COG4: variants seen among roughly 807,000 people sequenced by gnomAD.
COG4 encodes component of oligomeric golgi complex 4.
Under a neutral mutation model 95.1 loss-of-function variants are expected in COG4, and 65 were observed. The observed-to-expected ratio is 0.68, with a 90% CI of 0.56 to 0.84. COG4 has a LOEUF of 0.84. Ranked by LOEUF, COG4 falls within the 40% of genes least tolerant of loss-of-function variation. The pLI is 0.00. For missense variants in COG4, 1,045 were observed against 989.1 expected, an observed-to-expected ratio of 1.06 and a Z score of -0.76; for synonymous variants, 421 against 374.8, an observed-to-expected ratio of 1.12 and a Z score of -1.42.
chr16:70,517,235 G>A (rs908430845), intron 3 of COG4, among the ~76,000 whole-genome samples: 1 of 152,030 alleles, frequency 6.6e-6, no homozygotes, highest in African/African-American at 2.4e-5. Flanking sequence ...GTAGAGGGCA[G>A]TAAAGAAGCT....
At chr16:70,512,907 G>C (rs565909496) in intron 4 of COG4, among the ~76,000 whole-genome samples, 23 of 152,358 alleles carry the variant, frequency 1.5e-4, no homozygotes, top group Admixed American at 5.9e-4. Context: ...GAACCTGGGA[G>C]GCAGAGGTTG....
chr16:70,487,404 C>A (rs2049160854), intron 13 of COG4, among the ~76,000 whole-genome samples: 2 of 152,152 alleles, frequency 1.3e-5, no homozygotes, highest in Non-Finnish European at 2.9e-5. Flanking sequence ...CGAGACCAGC[C>A]TGGCCAACAT....
intron 8 of COG4, among the ~76,000 whole-genome samples, chr16:70,503,337 C>A (rs146117471): frequency 0.024 from 3,698 of 152,300 alleles, 76 homozygotes; most frequent in Non-Finnish European, 0.036. Context: ...CAGGTGTGAG[C>A]CACCTTGGCA....
At chr16:70,514,910 A>G (rs1206857473) in intron 3 of COG4, among the ~76,000 whole-genome samples, 10 of 151,478 alleles carry the variant, frequency 6.6e-5, no homozygotes, top group African/African-American at 2.4e-4. Flanking sequence ...GCAGGGTTTC[A>G]TCAATGTTTC....
chr16:70,484,564 G>A (rs2049088670), intron 13 of COG4, among the ~76,000 whole-genome samples: 2 of 152,308 alleles, frequency 1.3e-5, no homozygotes, highest in South Asian at 4.1e-4. Flanking sequence ...TAAGGTTTAA[G>A]GGCGTACTGT....
intron 1 of COG4, among the ~76,000 whole-genome samples, chr16:70,521,166 G>A (rs2049934035): frequency 2.7e-5 from 4 of 150,716 alleles, no homozygotes; most frequent in Admixed American, 2.6e-4. Context: ...GCCCATCTCA[G>A]CCTCCCAAAG....
intron 2 of COG4, among the ~76,000 whole-genome samples, chr16:70,518,775 G>C (rs796563098): frequency 1.1e-4 from 17 of 152,098 alleles, no homozygotes; most frequent in African/African-American, 2.4e-4. Context: ...TCAGGAGTTT[G>C]AGACCAGCCT....
intron 8 of COG4, among the ~76,000 whole-genome samples, chr16:70,503,845 C>G (rs889330384): frequency 8.1e-6 from 1 of 122,866 alleles, no homozygotes; most frequent in Non-Finnish European, 1.5e-5. Context: ...CCGCCCGCCT[C>G]GGCCTCCCAA....
intron 8 of COG4, among the ~76,000 whole-genome samples, chr16:70,507,282 CTG>C (rs1361984750): frequency 6.6e-6 from 1 of 151,424 alleles, no homozygotes; most frequent in African/African-American, 2.4e-5. Flanking sequence ...CAAAAAAAAA[CTG>C]TATCGGTATA....
chr16:70,522,687 C>T (rs180688642), intron 1 of COG4, among the ~76,000 whole-genome samples: 13 of 152,090 alleles, frequency 8.5e-5, no homozygotes, highest in African/African-American at 2.2e-4. Flanking sequence ...AACTGACATT[C>T]GAAAGTGAAT....
At position 70,523,497 on chromosome 16, in the gene COG4, CCT is replaced by C; in HGVS notation, c.45_46del (p.Val17AlafsTer5). 6.2e-7 allele frequency: 1 copy of C among 1,614,126 alleles called. No homozygotes were observed. The highest frequency in any genetic ancestry group is 8.5e-7 in the Non-Finnish European group (1 of 1,180,050). ...CACCCCCTCAGACGGCTGCTGCACC[CCT>C]GACAGCTTCGGAGGCGAATCAAGGT... On this transcript the variant is annotated frameshift_variant, in exon 1 of 19. Coordinates refer to ENST00000323786, the MANE Select transcript of COG4 (RefSeq NM_015386.3). LOFTEE classifies it high-confidence loss of function.
At chr16:70,512,101 C>CA in intron 5 of COG4, 138 bp downstream of exon 5, 3 of 830,188 alleles carry the variant, frequency 3.6e-6, no homozygotes, top group Non-Finnish European at 6.0e-6. Context: ...TCCAGTCCTG[C>CA]ATGGCTACAC....
chr16:70,508,640 T>C (rs2049631038), intron 7 of COG4, 176 bp from the exon 8 acceptor site: 2 of 696,898 alleles, frequency 2.9e-6, no homozygotes. Context: ...AGATTTGTTT[T>C]TGGGTTGGAT....
intron 12 of COG4, 28 bp downstream of exon 12, chr16:70,496,238 C>A (rs777590106): frequency 1.2e-6 from 2 of 1,613,984 alleles, no homozygotes; most frequent in East Asian, 2.2e-5. Flanking sequence ...GATAAACCAA[C>A]CCAGCTCGTG....
chr16:70,489,699 C>G (rs1221892477), intron 13 of COG4, among the ~76,000 whole-genome samples: 3 of 151,894 alleles, frequency 2.0e-5, no homozygotes, highest in Admixed American at 1.3e-4. Context: ...TTAGGCTACC[C>G]AAGAAACACA....
rs2049360735 is a variant in COG4 at position 70,497,359 on chromosome 16, C to T, written c.1343G>A (p.Gly448Asp). 1.2e-6 allele frequency: 2 copies of T among 1,613,790 alleles called. No individual in the cohort carries two copies. Among genetic ancestry groups the T allele is most frequent in the East Asian group, 2.2e-5 (1 of 44,882 alleles). ...ATCCACCATGCTGGATGTCAGCTGG[C>T]CCTTCTCATAGGTGTCCAGAGCCAC... ...KAVALDTYEK[G>D]QLTSSMVDDV... Residue 448 changes from glycine (G) to aspartate (D), a missense_variant, in exon 11 of 19, where the codon GGC (glycine) becomes GAC (aspartate). Coordinates refer to ENST00000323786, the MANE Select transcript of COG4 (RefSeq NM_015386.3).
chr16:70,487,928 G>A (rs1396994719), intron 13 of COG4, among the ~76,000 whole-genome samples: 3 of 151,712 alleles, frequency 2.0e-5, no homozygotes, highest in Non-Finnish European at 4.4e-5. Flanking sequence ...AGGTTCAAGC[G>A]ATTCTCCTGT....
rs559472483 is a variant in COG4 at position 70,498,479 on chromosome 16, C to T, written c.1196-424G>A. The stretch of plus-strand genomic sequence containing the variant: ...GAGTAGCTGGGATTACAGGCATGCA[C>T]CACCACGCCCGGCAAATTTTGTATT... On this transcript the variant is annotated intron_variant, in intron 9 of 18. Transcript: ENST00000323786. Among the ~76,000 whole-genome samples, 15 of 152,066 alleles carry T rather than the reference C, an allele frequency of 9.9e-5. 1 individual carries two copies. Among genetic ancestry groups the T allele is most frequent in the Non-Finnish European group, 1.9e-4 (13 of 68,010 alleles).
chr16:70,500,868 T>C, intron 9 of COG4, 90 bp downstream of exon 9: 1 of 1,517,340 alleles, frequency 6.6e-7, no homozygotes, highest in Non-Finnish European at 9.1e-7. Flanking sequence ...GTTCCAATTG[T>C]TTCCTTAATA....
Sources: gnomAD v4.1 joint callset for allele counts (sites outside exome capture counted in the v4.1 genomes callset) on GRCh38, gnomAD v4.1.1 for gene constraint, MANE v1.5 for transcripts, NCBI Gene and HGNC (gene_info 2026-07-23, HGNC 2026-07-21) for gene names.